Variants in ANK1 observed in about 807,000 individuals in gnomAD.
ANK1 encodes the protein ankyrin-1.
Under a neutral mutation model 210.4 loss-of-function variants are expected in ANK1, and 51 were observed. That is an observed-to-expected ratio of 0.24 (90% CI 0.19 to 0.31). The LOEUF is 0.31. Among genes scored for constraint, ANK1 ranks in the 10% least tolerant of loss-of-function variants. The pLI, the probability that ANK1 is intolerant of heterozygous loss-of-function variation, is 1.00. For missense variants in ANK1, 2,051 were observed against 2,504.4 expected, an observed-to-expected ratio of 0.82 and a Z score of 3.86; for synonymous variants, 967 against 1,025.9, an observed-to-expected ratio of 0.94 and a Z score of 1.10.
chr8:41,886,737 C>A (rs1387107692), intron 1 of ANK1, among the ~76,000 whole-genome samples: 1 of 152,112 alleles, frequency 6.6e-6, no homozygotes, highest in Non-Finnish European at 1.5e-5. Flanking sequence ...AGCAATAAGA[C>A]AGGAGAGGCA....
chr8:41,888,256 A>T (rs1039714575), intron 1 of ANK1, among the ~76,000 whole-genome samples: 2 of 152,350 alleles, frequency 1.3e-5, no homozygotes, highest in Non-Finnish European at 2.9e-5. Flanking sequence ...AGTGGAAGTC[A>T]TCAACTAACT....
chr8:41,822,179 AAAGAAAGAAGG>A (rs1804568150), intron 1 of ANK1, among the ~76,000 whole-genome samples: 1 of 150,026 alleles, frequency 6.7e-6, no homozygotes, highest in African/African-American at 2.5e-5. Context: ...AGAAAGAAAG[AAAGAAAGAAGG>A]AAAGAAAGAA....
At chr8:41,760,179 T>G (rs375603345) in intron 1 of ANK1, among the ~76,000 whole-genome samples, 1 of 152,206 alleles carries the variant, frequency 6.6e-6, no homozygotes, top group East Asian at 1.9e-4. Context: ...AGTTTACTAA[T>G]TGATATGGTT....
At chr8:41,657,655 C>T (rs1396728616) in intron 42 of ANK1, among the ~76,000 whole-genome samples, 3 of 152,164 alleles carry the variant, frequency 2.0e-5, no homozygotes, top group African/African-American at 4.8e-5. Context: ...TCTACTTTAC[C>T]GCCCAGGCAC....
At chr8:41,840,843 C>T (rs115936582) in intron 1 of ANK1, among the ~76,000 whole-genome samples, 2 of 152,158 alleles carry the variant, frequency 1.3e-5, no homozygotes, top group African/African-American at 2.4e-5. Flanking sequence ...CCGCTTGAAA[C>T]GTCGGTAATC....
rs1173805366 is a variant in ANK1 at position 41,704,826 on chromosome 8, G to A, written c.2098-354C>T. ...GAAGGAGTGAGGCAGAGGCAGAAAAGAGGAGGGAAACCTTGAGAGACCAGC... is the reference window on the plus strand; with the variant it reads ...GAAGGAGTGAGGCAGAGGCAGAAAAAAGGAGGGAAACCTTGAGAGACCAGC... On this transcript the variant is annotated intron_variant, in intron 18 of 42. Coordinates refer to ENST00000289734, the MANE Select transcript of ANK1 (RefSeq NM_000037.4). The surrounding 1 kb of genome is among the most constrained non-coding windows in gnomAD (Gnocchi z 4.1). Among the ~76,000 whole-genome samples the A allele has an allele frequency of 6.6e-6, 1 of 152,204 alleles. No homozygotes were observed. Among genetic ancestry groups the A allele is most frequent in the African/African-American group, 2.4e-5 (1 of 41,462 alleles).
chr8:41,720,294 TGCATGTAACAC>T (rs1325416265), intron 9 of ANK1, among the ~76,000 whole-genome samples: 3 of 152,186 alleles, frequency 2.0e-5, no homozygotes, highest in African/African-American at 7.2e-5. Context: ...GCCAAATACA[TGCATGTAACAC>T]ACATCATGGT....
intron 1 of ANK1, among the ~76,000 whole-genome samples, chr8:41,803,085 G>GAAGGGAAGGGAAGGA (rs1172839402): frequency 3.0e-4 from 18 of 60,034 alleles, no homozygotes; most frequent in African/African-American, 1.0e-3. Flanking sequence ...GGAAGGAAGG[G>GAAGGGAAGGGAAGGA]AAGGAAAGGA....
intron 1 of ANK1, among the ~76,000 whole-genome samples, chr8:41,821,029 C>G (rs866299191): frequency 6.6e-5 from 10 of 152,210 alleles, no homozygotes; most frequent in Admixed American, 2.6e-4. Flanking sequence ...CGTAGATTTC[C>G]TTTACAGATG....
In ANK1 at chr8:41,690,166, T is replaced by G. The variant is rs1278756881; in HGVS notation, c.4104+61A>C. ...TGGAAGTGCTGGACCTGGGGTCTGT[T>G]TGGGGACCTCCTACAGGGAAGCCGT... On this transcript the variant is annotated intron_variant, in intron 33 of 42. Coordinates refer to ENST00000289734, the MANE Select transcript of ANK1 (RefSeq NM_000037.4). 16 of 1,612,156 alleles carry G rather than the reference T, an allele frequency of 9.9e-6. No homozygotes were observed. The African/African-American group carries it at 2.0e-4, about 20-fold the overall frequency.
In ANK1 at chr8:41,896,735, G is replaced by C. The variant is rs1212519238; in HGVS notation, c.-255C>G. 5 of 198,732 alleles carry C rather than the reference G, an allele frequency of 2.5e-5. No homozygotes were observed. In the South Asian group the frequency reaches 8.3e-4, roughly 33 times the overall value. 12.3% of individuals were successfully genotyped at this position (198,732 alleles called of 1,614,324 possible). A position where few individuals can be genotyped will look rare whatever the true frequency, so the allele number is the denominator to read the frequency against. On this transcript the variant is annotated 5_prime_UTR_variant, in exon 1 of 43. Transcript: ENST00000265709. ...GAGCTCGCTTGCCGGCGCCCGGGAC[G>C]GGCTCTGGGCAGGGCCCGCCGCCTC...
At chr8:41,839,126 C>A (rs4737015) in intron 1 of ANK1, among the ~76,000 whole-genome samples, 67,039 of 152,062 alleles carry the variant, frequency 0.44, 15,527 homozygotes, top group East Asian at 0.78. Flanking sequence ...ACCACCTGCA[C>A]CAGTTAGTAG....
At chr8:41,884,437 G>A (rs1442654132) in intron 1 of ANK1, among the ~76,000 whole-genome samples, 1 of 152,198 alleles carries the variant, frequency 6.6e-6, no homozygotes, top group East Asian at 1.9e-4. Context: ...AGAGTGGGAA[G>A]GGATCTGGTC....
At chr8:41,736,206 G>A (rs558303774) in intron 2 of ANK1, among the ~76,000 whole-genome samples, 24 of 152,308 alleles carry the variant, frequency 1.6e-4, no homozygotes, top group African/African-American at 5.8e-4. Flanking sequence ...AGAGAGCACT[G>A]GGCAGGCAGA....
chr8:41,731,750 C>A (rs1403445669), intron 3 of ANK1, among the ~76,000 whole-genome samples: 3 of 152,096 alleles, frequency 2.0e-5, no homozygotes, highest in Non-Finnish European at 2.9e-5. Flanking sequence ...AAAGACACAC[C>A]AAGTGTTCAC....
intron 1 of ANK1, among the ~76,000 whole-genome samples, chr8:41,817,772 A>C (rs974263027): frequency 6.6e-6 from 1 of 152,240 alleles, no homozygotes; most frequent in Non-Finnish European, 1.5e-5. Context: ...GATATACCTA[A>C]CAAGTGACTC....
chr8:41,805,293 G>A (rs1850800542), intron 1 of ANK1, among the ~76,000 whole-genome samples: 1 of 150,972 alleles, frequency 6.6e-6, no homozygotes. Context: ...CCCAGGTAGG[G>A]GCACATTGTT....
chr8:41,697,800 A>T, intron 24 of ANK1: 1 of 597,166 alleles, frequency 1.7e-6, no homozygotes, highest in Non-Finnish European at 3.1e-6. Context: ...CCTGGGCTGC[A>T]TCCAAGGACT....
At chr8:41,688,664 G>T in intron 33 of ANK1, 75 bp from the exon 34 acceptor site, 1 of 1,369,942 alleles carries the variant, frequency 7.3e-7, no homozygotes, top group Non-Finnish European at 1.0e-6. Context: ...GAGCTCCTAT[G>T]CTGCAGGGGT....
Sources: allele counts gnomAD v4.1 joint callset (sites outside exome capture counted in the v4.1 genomes callset), GRCh38; gene constraint gnomAD v4.1.1; non-coding constraint Gnocchi (gnomAD v3.1); transcripts MANE v1.5; gene names NCBI Gene and HGNC (gene_info 2026-07-23, HGNC 2026-07-21).